Variants in HMCN1 observed in about 807,000 individuals in gnomAD.
The protein encoded by HMCN1 is hemicentin-1.
HMCN1 carries 321 observed loss-of-function variants against 625.9 expected under a neutral mutation model. The observed-to-expected ratio is 0.51, with a 90% CI of 0.47 to 0.56. The LOEUF (loss-of-function observed/expected upper bound fraction) is 0.56. Ranked by LOEUF, HMCN1 falls within the 20% of genes least tolerant of loss-of-function variation. The pLI is 0.00. For missense variants in HMCN1, 6,588 were observed against 6,887.3 expected (o/e 0.96, Z 1.54); for synonymous variants, 2,425 against 2,417.6 (o/e 1.00, Z -0.09).
intron 30 of HMCN1, among the ~76,000 whole-genome samples, chr1:186,008,123 A>T (rs1368175007): frequency 1.3e-5 from 2 of 152,148 alleles, no homozygotes; most frequent in African/African-American, 4.8e-5. Context: ...TTTACTTATG[A>T]TCTATTTCTT....
rs1435651902 is a variant in HMCN1 at position 185,933,787 on chromosome 1, T to A, written c.1791T>A (p.Gly597=). Residue 597 remains glycine, a synonymous_variant, in exon 11 of 107, where the codon GGT becomes GGA. Coordinates refer to ENST00000271588, the MANE Select transcript of HMCN1 (RefSeq NM_031935.3). The part of the protein sequence containing the change: ...GEYHCMVSSE[G]GSSAASVFLT... The stretch of plus-strand genomic sequence containing the variant: ...ATCATTGTATGGTTTCTAGTGAAGG[T>A]GGATCATCAGCCGCTTCAGTTTTCC... The A allele has an allele frequency of 4.3e-6, 7 of 1,613,846 alleles. No homozygotes were observed. The African/African-American group carries it at 9.3e-5, about 22-fold the overall frequency.
intron 105 of HMCN1, among the ~76,000 whole-genome samples, chr1:186,183,816 G>A (rs1398701855): frequency 6.6e-6 from 1 of 152,014 alleles, no homozygotes; most frequent in African/African-American, 2.4e-5. Context: ...GCACTGAGGC[G>A]GCAGGATGGG....
intron 29 of HMCN1, among the ~76,000 whole-genome samples, chr1:186,004,902 A>G (rs1653450203): frequency 6.6e-6 from 1 of 152,110 alleles, no homozygotes; most frequent in African/African-American, 2.4e-5. Flanking sequence ...GCATAATCAT[A>G]TTATGGAACA....
intron 1 of HMCN1, among the ~76,000 whole-genome samples, chr1:185,776,684 T>A (rs1656637293): frequency 6.6e-6 from 1 of 152,156 alleles, no homozygotes; most frequent in Non-Finnish European, 1.5e-5. Context: ...AAAATATATA[T>A]GCTTTTAGCA....
chr1:185,838,861 T>C (rs1241468851), intron 1 of HMCN1, among the ~76,000 whole-genome samples: 1 of 152,224 alleles, frequency 6.6e-6, no homozygotes, highest in Non-Finnish European at 1.5e-5. Flanking sequence ...GCTAAGTATG[T>C]ATACTGCCTG....
intron 4 of HMCN1, among the ~76,000 whole-genome samples, chr1:185,867,867 G>A (rs775467947): frequency 6.6e-5 from 10 of 152,160 alleles, no homozygotes; most frequent in African/African-American, 1.9e-4. Context: ...TCAGGAGTTC[G>A]AGACCAGCCT....
chr1:185,848,845 T>C (rs1661994621), intron 2 of HMCN1, among the ~76,000 whole-genome samples: 1 of 152,200 alleles, frequency 6.6e-6, no homozygotes, highest in South Asian at 2.1e-4. Flanking sequence ...ACCTTTTAAA[T>C]CAATTGACTC....
chr1:186,137,462 C>T (rs1390776508), intron 87 of HMCN1, 36 bp from the exon 88 acceptor site: 6 of 1,603,870 alleles, frequency 3.7e-6, no homozygotes, highest in Non-Finnish European at 5.1e-6. Context: ...GTTTTATTTG[C>T]AAAAGCTTAG....
chr1:186,115,296 G>A lies in HMCN1; in HGVS notation c.11443G>A (p.Val3815Ile), dbSNP rs569383096. ...SIAPGPTNMT[V>I]IVNVQTTLAC... Reference sequence around the variant, plus strand: ...TGCTCCGGGTCCTACCAACATGACTGTAATAGTAAATGTTCAAACTACTCT... The same window carrying A: ...TGCTCCGGGTCCTACCAACATGACTATAATAGTAAATGTTCAAACTACTCT... Residue 3815 changes from valine (V) to isoleucine (I), a missense_variant, in exon 75 of 107, where the codon GTA becomes ATA. Physicochemically the swap from Val to Ile is conservative, Grantham distance 29. Around this residue, in one of 3 missense-constraint regions of HMCN1, gnomAD observed 4,628 missense variants for 4,853.1 expected, o/e 0.95. Transcript: ENST00000271588. 4.3e-6 allele frequency: 7 copies of A among 1,613,978 alleles called. No homozygotes were observed. The East Asian group carries it at 1.6e-4, about 36-fold the overall frequency.
chr1:185,778,254 A>G (rs990574165), intron 1 of HMCN1, among the ~76,000 whole-genome samples: 2 of 152,174 alleles, frequency 1.3e-5, no homozygotes, highest in African/African-American at 4.8e-5. Flanking sequence ...TATAGTTCAC[A>G]GAGGTATGGG....
chr1:186,124,336 AC>A (rs1230583456), intron 81 of HMCN1, among the ~76,000 whole-genome samples: 1 of 152,098 alleles, frequency 6.6e-6, no homozygotes, highest in Non-Finnish European at 1.5e-5. Context: ...TAAAGACATG[AC>A]ATATCAAAAT....
chr1:185,760,357 A>G (rs1655415355), intron 1 of HMCN1, among the ~76,000 whole-genome samples: 2 of 152,204 alleles, frequency 1.3e-5, no homozygotes, highest in Non-Finnish European at 2.9e-5. Context: ...GAGAGAAGTC[A>G]GGGAGTAATT....
In HMCN1 at chr1:185,870,121, T is replaced by C. The variant is rs75093665; in HGVS notation, c.621+4258T>C. Among the ~76,000 whole-genome samples the C allele has an allele frequency of 8.5e-3, 1,297 of 152,168 alleles. 17 individuals are homozygous for C. The highest frequency in any genetic ancestry group is 0.03 in the African/African-American group (1,239 of 41,506). On this transcript the variant is annotated intron_variant, in intron 4 of 106. Coordinates refer to ENST00000271588, the MANE Select transcript of HMCN1 (RefSeq NM_031935.3). ...AGGGAAACCAAAGTGAAGAAATTATTTGGCCAAGCATCAGTGGTCTATAAA... is the reference window on the plus strand; with the variant it reads ...AGGGAAACCAAAGTGAAGAAATTATCTGGCCAAGCATCAGTGGTCTATAAA...
chr1:185,808,536 C>T (rs1659316969), intron 1 of HMCN1, among the ~76,000 whole-genome samples: 1 of 152,012 alleles, frequency 6.6e-6, no homozygotes, highest in Admixed American at 6.6e-5. Flanking sequence ...TTACTTAAAA[C>T]TCAGCAAATT....
At chr1:186,093,017 T>A in intron 64 of HMCN1, 117 bp from the exon 65 acceptor site, 1 of 1,363,194 alleles carries the variant, frequency 7.3e-7, no homozygotes, top group East Asian at 2.3e-5. Flanking sequence ...CTGTAGAATT[T>A]CAGTTGGTTG....
chr1:185,910,552 A>G (rs1666353293), intron 5 of HMCN1, among the ~76,000 whole-genome samples: 1 of 151,416 alleles, frequency 6.6e-6, no homozygotes, highest in African/African-American at 2.4e-5. Context: ...GGATGCTTAT[A>G]ACTTATTTCT....
intron 1 of HMCN1, among the ~76,000 whole-genome samples, chr1:185,775,072 A>G (rs1156363729): frequency 6.6e-6 from 1 of 152,216 alleles, no homozygotes; most frequent in African/African-American, 2.4e-5. Context: ...ACAATCTGAC[A>G]TTCGGAGATG....
intron 68 of HMCN1, among the ~76,000 whole-genome samples, chr1:186,096,056 C>A (rs1387557190): frequency 6.6e-6 from 1 of 152,038 alleles, no homozygotes; most frequent in African/African-American, 2.4e-5. Context: ...AAAATGCTAA[C>A]CTTGGAAGAG....
intron 11 of HMCN1, among the ~76,000 whole-genome samples, chr1:185,951,755 C>T (rs146987711): frequency 0.069 from 10,455 of 151,148 alleles, 802 homozygotes; most frequent in African/African-American, 0.2. Context: ...ATTTCCGGCA[C>T]GTGTAGCAAG....
Sources: gnomAD v4.1 joint callset for allele counts (sites outside exome capture counted in the v4.1 genomes callset) on GRCh38, gnomAD v4.1.1 for gene constraint, gnomAD v4.1.1 regional missense constraint, MANE v1.5 for transcripts, NCBI Gene and HGNC (gene_info 2026-07-23, HGNC 2026-07-21) for gene names.